Variants in CLVS1 observed in about 807,000 individuals in gnomAD.
CLVS1 encodes clavesin-1.
CLVS1 carries 10 observed loss-of-function variants against 33.1 expected under a neutral mutation model. The ratio of observed to expected loss-of-function variants is 0.30; its 90% CI spans 0.19 to 0.51. The LOEUF (loss-of-function observed/expected upper bound fraction) is 0.51, where lower values mean the gene tolerates loss of function less well. Among genes scored for constraint, CLVS1 ranks in the 20% least tolerant of loss-of-function variants. The probability of loss-of-function intolerance (pLI) is 0.97; values close to 1 mark genes in which losing one functional copy is unlikely to be tolerated. For missense variants in CLVS1, 343 were observed against 433.4 expected, an observed-to-expected ratio of 0.79 and a Z score of 1.85; for synonymous variants, 163 against 166.1, an observed-to-expected ratio of 0.98 and a Z score of 0.14.
chr8:61,224,767 G>T (rs921633811), intron 2 of CLVS1, among the ~76,000 whole-genome samples: 5 of 152,114 alleles, frequency 3.3e-5, no homozygotes, highest in African/African-American at 1.2e-4. Context: ...ATTACATAAT[G>T]GTAAAGGAAT....
chr8:61,370,849 G>C (rs1379528449), intron 2 of CLVS1, among the ~76,000 whole-genome samples: 1 of 151,986 alleles, frequency 6.6e-6, no homozygotes, highest in Non-Finnish European at 1.5e-5. Context: ...TCCTTTTTAT[G>C]TTTGGGTAGT....
rs1817246238 is a variant in CLVS1, at chr8:61,458,537, G to A, written c.972G>A (p.Met324Ile). The change falls in exon 5 of 6, where the codon ATG becomes ATA. Residue 324 changes from methionine to isoleucine, a missense_variant. Met to Ile is a conservative substitution (Grantham distance 10, BLOSUM62 1). This residue lies in a region of CLVS1 where 86 missense variants were observed against 95.0 expected (regional missense o/e 0.91). Coordinates refer to ENST00000325897, the MANE Select transcript of CLVS1 (RefSeq NM_173519.3). ...NLERECSPKL[M>I]KRSQSVVEAG... Reference sequence around the variant, plus strand: ...AGAGAGAATGCTCACCCAAGCTGATGAAAAGGTAAGGCCTGGGTTATCAGA... The same window carrying A: ...AGAGAGAATGCTCACCCAAGCTGATAAAAAGGTAAGGCCTGGGTTATCAGA... The A allele has an allele frequency of 6.3e-7, 1 of 1,597,758 alleles. No individual in the cohort carries two copies. Among genetic ancestry groups the A allele is most frequent in the East Asian group, 2.2e-5 (1 of 44,592 alleles).
At chr8:61,295,685 C>T (rs1350618049) in intron 1 of CLVS1, among the ~76,000 whole-genome samples, 7 of 152,086 alleles carry the variant, frequency 4.6e-5, no homozygotes. Context: ...GGCAGCATAA[C>T]AGTAAAGAGC....
At chr8:61,486,230 G>A (rs183769993) in intron 5 of CLVS1, among the ~76,000 whole-genome samples, 7 of 152,284 alleles carry the variant, frequency 4.6e-5, no homozygotes, top group Non-Finnish European at 8.8e-5. Flanking sequence ...GGGACAGGTG[G>A]CATGTTTGCT....
At chr8:61,432,117 G>C (rs985891228) in intron 3 of CLVS1, among the ~76,000 whole-genome samples, 42 of 152,270 alleles carry the variant, frequency 2.8e-4, no homozygotes, top group African/African-American at 9.6e-4. Context: ...AAAAAAGTAT[G>C]CCTTAGAATG....
the CLVS1 span, among the ~76,000 whole-genome samples, chr8:60,977,560 C>A: frequency 2.0e-5 from 3 of 152,054 alleles, no homozygotes; most frequent in African/African-American, 7.2e-5. Flanking sequence ...GAAAAACTCA[C>A]CAGAGGTGCT....
At chr8:61,045,838 G>A in the CLVS1 span, among the ~76,000 whole-genome samples, 1,023 of 152,256 alleles carry the variant, frequency 6.7e-3, 9 homozygotes, top group South Asian at 0.028. Context: ...GTCTTTTTAC[G>A]CTAATAGACA....
chr8:61,202,828 G>A, intron 2 of CLVS1: 1 of 1,091,176 alleles, frequency 9.2e-7, no homozygotes, highest in Non-Finnish European at 1.4e-6. Context: ...AAAACTTGCT[G>A]CTGATGAAGA....
At chr8:61,288,161 CCT>C (rs776349144) in intron 1 of CLVS1, 23 bp downstream of exon 1, 2 of 456,218 alleles carry the variant, frequency 4.4e-6, no homozygotes, top group South Asian at 3.1e-5. Flanking sequence ...TTTTTTCTCC[CCT>C]CTGTATTTGC....
chr8:61,399,426 C>G (rs576182335), intron 3 of CLVS1, among the ~76,000 whole-genome samples: 7 of 152,044 alleles, frequency 4.6e-5, no homozygotes, highest in South Asian at 4.2e-4. Context: ...GTGTAAGTTC[C>G]TTGTAAATGC....
At chr8:61,338,357 A>G (rs933222741) in intron 2 of CLVS1, among the ~76,000 whole-genome samples, 2 of 152,176 alleles carry the variant, frequency 1.3e-5, no homozygotes, top group African/African-American at 4.8e-5. Flanking sequence ...TTGACCAGTA[A>G]TCTCCTAAAC....
chr8:61,068,444 G>A (rs1804727161), intron 1 of CLVS1, among the ~76,000 whole-genome samples: 1 of 151,834 alleles, frequency 6.6e-6, no homozygotes, highest in African/African-American at 2.4e-5. Context: ...TGGGTGCGTA[G>A]GAACCTCTAA....
At chr8:61,231,307 C>A (rs2129311857) in intron 2 of CLVS1, among the ~76,000 whole-genome samples, 1 of 149,598 alleles carries the variant, frequency 6.7e-6, no homozygotes, top group African/African-American at 2.5e-5. Context: ...CACACACACA[C>A]TCTAATATTA....
At chr8:61,091,008 G>A in intron 1 of CLVS1, 3 of 475,792 alleles carry the variant, frequency 6.3e-6, no homozygotes, top group South Asian at 4.8e-5. Context: ...CAATACATTT[G>A]CACCCTAATC....
chr8:61,324,268 T>C (rs1205707560), intron 2 of CLVS1, among the ~76,000 whole-genome samples: 1 of 152,104 alleles, frequency 6.6e-6, no homozygotes, highest in African/African-American at 2.4e-5. Flanking sequence ...GGGGGCAGTT[T>C]CCCCTATACT....
intron 2 of CLVS1, among the ~76,000 whole-genome samples, chr8:61,337,126 G>A (rs1356630471): frequency 6.6e-6 from 1 of 152,042 alleles, no homozygotes; most frequent in African/African-American, 2.4e-5. Flanking sequence ...TACAAGATCA[G>A]GGAAACCAAG....
chr8:61,329,465 A>G (rs1291641629), intron 2 of CLVS1, among the ~76,000 whole-genome samples: 1 of 152,240 alleles, frequency 6.6e-6, no homozygotes, highest in Non-Finnish European at 1.5e-5. Context: ...CAGTGTGACT[A>G]CAGCTAATGT....
chr8:60,998,048 T>G, the CLVS1 span, among the ~76,000 whole-genome samples: 2 of 152,130 alleles, frequency 1.3e-5, no homozygotes, highest in African/African-American at 4.8e-5. Context: ...GAAAAACAGA[T>G]GCACTGAGTT....
chr8:61,499,955 A>G lies in CLVS1; in HGVS notation c.*413A>G, dbSNP rs1382295251. On this transcript the variant is annotated 3_prime_UTR_variant, in exon 6 of 6. Transcript: ENST00000325897. ...TTCCAAGTAAATGTATCAGAGTTAA[A>G]CTGTACAGACACCACTGTCAAGTTT... is the stretch of plus-strand genomic sequence containing the variant. 5.8e-6 allele frequency: 1 copy of G among 172,744 alleles called. No individual in the cohort carries two copies. The highest frequency in any genetic ancestry group is 1.3e-5 in the Non-Finnish European group (1 of 78,994). The allele number at this position is 172,744 out of a possible 1,614,324, so 10.7% of individuals were successfully genotyped here.
Sources: allele counts gnomAD v4.1 joint callset (sites outside exome capture counted in the v4.1 genomes callset), GRCh38; gene constraint gnomAD v4.1.1; regional missense constraint gnomAD v4.1.1; transcripts MANE v1.5; gene names NCBI Gene and HGNC (gene_info 2026-07-23, HGNC 2026-07-21).